The following TSPAN5 variants were observed in gnomAD, a reference collection of about 807,000 sequenced individuals.
TSPAN5 encodes the protein tetraspanin 5.
Under a neutral mutation model 37.1 loss-of-function variants are expected in TSPAN5, and 10 were observed. The ratio of observed to expected loss-of-function variants is 0.27; its 90% CI spans 0.17 to 0.46. TSPAN5 has a LOEUF of 0.46. Ranked by LOEUF, TSPAN5 falls within the 20% of genes least tolerant of loss-of-function variation. The pLI is 1.00. For missense variants in TSPAN5, 195 were observed against 326.6 expected, an observed-to-expected ratio of 0.60 and a Z score of 3.11; for synonymous variants, 110 against 118.9, an observed-to-expected ratio of 0.93 and a Z score of 0.48.
intron 3 of TSPAN5, among the ~76,000 whole-genome samples, chr4:98,485,762 CTTTTTT>C (rs766494512): frequency 1.2e-4 from 10 of 86,590 alleles, no homozygotes; most frequent in Non-Finnish European, 1.6e-4. Flanking sequence ...CTTGGATATG[CTTTTTT>C]TTTTTTTTTT....
chr4:98,538,518 C>T (rs1478191491), intron 1 of TSPAN5, among the ~76,000 whole-genome samples: 1 of 152,228 alleles, frequency 6.6e-6, no homozygotes, highest in African/African-American at 2.4e-5. Context: ...CATATGACTA[C>T]TGCAACCTGT....
At chr4:98,557,606 G>A (rs182200098) in intron 1 of TSPAN5, among the ~76,000 whole-genome samples, 36 of 152,258 alleles carry the variant, frequency 2.4e-4, no homozygotes, top group South Asian at 1.5e-3. Context: ...GCCCACAACT[G>A]GGAAGGGCAA....
intron 1 of TSPAN5, among the ~76,000 whole-genome samples, chr4:98,654,166 C>T (rs1163715709): frequency 2.0e-5 from 3 of 152,238 alleles, no homozygotes; most frequent in African/African-American, 7.2e-5. Flanking sequence ...ACTCCAACTA[C>T]ATCTCACCAC....
At chr4:98,486,571 A>T (rs1752963477) in intron 3 of TSPAN5, 167 bp downstream of exon 3, 1 of 677,200 alleles carries the variant, frequency 1.5e-6, no homozygotes, top group Non-Finnish European at 2.5e-6. Context: ...AGGAGGCACA[A>T]CTGGGAATCA....
intron 1 of TSPAN5, among the ~76,000 whole-genome samples, chr4:98,641,020 A>G (rs745565538): frequency 6.6e-6 from 1 of 152,240 alleles, no homozygotes; most frequent in Non-Finnish European, 1.5e-5. Context: ...CAGCTTGGAC[A>G]TATCAAGGCC....
chr4:98,630,976 G>T (rs1195488414), intron 1 of TSPAN5, among the ~76,000 whole-genome samples: 1 of 152,064 alleles, frequency 6.6e-6, no homozygotes, highest in African/African-American at 2.4e-5. Flanking sequence ...CATCTGGAAG[G>T]CTCAGCAGAT....
chr4:98,551,950 G>T lies in TSPAN5; in HGVS notation c.82-44222C>A, dbSNP rs573895295. ...TCAATCTCAGGAGGTTGTGTCCCCA[G>T]GAGTTTATCCATTTCTTCCAGCTTT... is the stretch of plus-strand genomic sequence containing the variant. On this transcript the variant is annotated intron_variant, in intron 1 of 7. Transcript: ENST00000305798. Among the ~76,000 whole-genome samples, 4 of 152,222 alleles carry T rather than the reference G, an allele frequency of 2.6e-5. No individual in the cohort carries two copies. In the South Asian group the frequency reaches 8.3e-4, roughly 32 times the overall value.
At chr4:98,618,133 C>T (rs988779861) in intron 1 of TSPAN5, among the ~76,000 whole-genome samples, 1 of 152,216 alleles carries the variant, frequency 6.6e-6, no homozygotes, top group African/African-American at 2.4e-5. Flanking sequence ...TCCATGCATT[C>T]TATCTGGCAG....
intron 1 of TSPAN5, among the ~76,000 whole-genome samples, chr4:98,534,987 T>C (rs183754710): frequency 1.2e-4 from 19 of 152,328 alleles, no homozygotes; most frequent in South Asian, 6.2e-4. Context: ...CTTTATCCAA[T>C]TTGCCAGTCT....
Position 98,603,405 on chromosome 4 carries a change from A to G in TSPAN5, c.81+54741T>C, listed in dbSNP as rs139028193. ...CCCTGGGCCTTTTATAAAAGATCAG[A>G]TTTCTCAAGTATAAAAGCAATTTTG... is the stretch of plus-strand genomic sequence containing the variant. On this transcript the variant is annotated intron_variant, in intron 1 of 7. Coordinates refer to ENST00000305798, the MANE Select transcript of TSPAN5 (RefSeq NM_005723.4). 1.3e-3 allele frequency among the ~76,000 whole-genome samples: 195 copies of G among 152,336 alleles called. 2 individuals are homozygous for G. The highest frequency in any genetic ancestry group is 4.4e-3 in the African/African-American group (185 of 41,576).
At chr4:98,614,620 C>T (rs749543516) in intron 1 of TSPAN5, among the ~76,000 whole-genome samples, 2 of 152,144 alleles carry the variant, frequency 1.3e-5, no homozygotes, top group African/African-American at 2.4e-5. Flanking sequence ...AACATTTTAA[C>T]GCCTATATTG....
chr4:98,507,865 A>T (rs987941291), intron 1 of TSPAN5, 137 bp from the exon 2 acceptor site: 2 of 612,500 alleles, frequency 3.3e-6, no homozygotes, highest in Admixed American at 3.3e-5. Context: ...TATCTTTACC[A>T]GGAAAATAAA....
chr4:98,603,727 T>C (rs1239072148), intron 1 of TSPAN5, among the ~76,000 whole-genome samples: 4 of 152,220 alleles, frequency 2.6e-5, no homozygotes, highest in Non-Finnish European at 4.4e-5. Flanking sequence ...AATGTGGTGG[T>C]TGATCTTGCT....
intron 1 of TSPAN5, among the ~76,000 whole-genome samples, chr4:98,529,239 C>T (rs1441015763): frequency 1.3e-5 from 2 of 152,186 alleles, no homozygotes; most frequent in Non-Finnish European, 1.5e-5. Flanking sequence ...CACTTCTAAC[C>T]GCCTACTACA....
In TSPAN5 at chr4:98,478,765, T is replaced by C. The variant is rs1752764910; in HGVS notation, c.496A>G (p.Ile166Val). The change falls in exon 5 of 8, where the codon ATT (isoleucine) becomes GTT (valine). Residue 166 changes from isoleucine to valine, a missense_variant. By Grantham distance (29) the Ile-to-Val change is conservative (BLOSUM62 3). Transcript: ENST00000305798. ...TTGGAATCTGTGCAATTGAAGTAAA[T>C]ATTTAGGTTCCAATCATCAGCTCCA... Reference protein sequence around the residue: ...AFGADDWNLNIYFNCTDSNAS... With the variant: ...AFGADDWNLNVYFNCTDSNAS... The C allele has an allele frequency of 1.9e-6, 3 of 1,613,882 alleles. No individual in the cohort carries two copies. In the African/African-American group the frequency reaches 4.0e-5, roughly 22 times the overall value.
At chr4:98,580,115 A>G (rs974820594) in intron 1 of TSPAN5, among the ~76,000 whole-genome samples, 3 of 152,220 alleles carry the variant, frequency 2.0e-5, no homozygotes, top group African/African-American at 7.2e-5. Context: ...TAGATATGTT[A>G]GTTGAAACCA....
chr4:98,591,921 A>C (rs945148046), intron 1 of TSPAN5, among the ~76,000 whole-genome samples: 1 of 151,670 alleles, frequency 6.6e-6, no homozygotes, highest in Non-Finnish European at 1.5e-5. Context: ...AATTTTTAAA[A>C]AGAACAATGT....
intron 1 of TSPAN5, among the ~76,000 whole-genome samples, chr4:98,563,310 G>C (rs1754918964): frequency 6.6e-6 from 1 of 152,096 alleles, no homozygotes; most frequent in African/African-American, 2.4e-5. Context: ...TTTTGCCTAG[G>C]CTTCATTTTA....
chr4:98,541,694 A>AAAAAAAGAG, intron 1 of TSPAN5, among the ~76,000 whole-genome samples: 1 of 95,330 alleles, frequency 1.0e-5, no homozygotes, highest in Middle Eastern at 5.8e-3. Context: ...AAAAAAAAAA[A>AAAAAAAGAG]AGAGAGAGAG....
Sources: gnomAD v4.1 joint callset for allele counts (sites outside exome capture counted in the v4.1 genomes callset) on GRCh38, gnomAD v4.1.1 for gene constraint, MANE v1.5 for transcripts, NCBI Gene and HGNC (gene_info 2026-07-23, HGNC 2026-07-21) for gene names.